Variants in ZNF608 observed in about 807,000 individuals in gnomAD.
The protein encoded by ZNF608 is renal carcinoma antigen NY-REN-36.
A neutral mutation model predicts 109.0 loss-of-function variants in ZNF608; 12 were observed. The observed-to-expected ratio is 0.11, with a 90% confidence interval of 0.07 to 0.18. ZNF608 has a LOEUF of 0.18. ZNF608 is among the 10% of genes least tolerant of loss of function. The pLI, the probability that ZNF608 is intolerant of heterozygous loss-of-function variation, is 1.00. For synonymous variants in ZNF608, 732 were observed against 717.4 expected (o/e 1.02, Z -0.33); for missense variants, 1,707 against 1,879.3 (o/e 0.91, Z 1.70).
In ZNF608 at chr5:124,744,461, C is replaced by G. The variant is rs1360633832; in HGVS notation, c.529G>C (p.Ala177Pro). The change falls in exon 2 of 10, where the codon GCC becomes CCC. Residue 177 changes from alanine to proline, a missense_variant. Transcript: ENST00000513986. This position sits in a 1 kb window ranked among gnomAD's most constrained non-coding sequence, Gnocchi z 4.5. The part of the protein sequence containing the change: ...SNSTSTSTSA[A>P]TAGAGSCGKS... ...CCACAGGAGCCTGCCCCCGCGGTGG[C>G]GGCAGAGGTGCTGGTGCTGGTACTA... 5 of 1,614,072 alleles carry G rather than the reference C, an allele frequency of 3.1e-6. No individual in the cohort carries two copies. In the African/African-American group the frequency reaches 6.7e-5, roughly 22 times the overall value.
At chr5:124,655,827 C>T (rs112132079) in intron 3 of ZNF608, among the ~76,000 whole-genome samples, 274 of 152,346 alleles carry the variant, frequency 1.8e-3, no homozygotes, top group African/African-American at 6.4e-3. Context: ...GCACAAGCTT[C>T]GCTGTTCCAG....
intron 5 of ZNF608, among the ~76,000 whole-genome samples, chr5:124,645,739 ACAG>A (rs1750467499): frequency 6.6e-6 from 1 of 152,014 alleles, no homozygotes; most frequent in Non-Finnish European, 1.5e-5. Context: ...GGGCTCTGGG[ACAG>A]CTGTTGAGGC....
Position 124,660,293 on chromosome 5 carries a change from AC to A in ZNF608, c.1163-10597del, listed in dbSNP as rs929631896. Among the ~76,000 whole-genome samples the A allele has an allele frequency of 1.6e-4, 24 of 152,160 alleles. 1 individual carries two copies. Among genetic ancestry groups the A allele is most frequent in the African/African-American group, 5.8e-4 (24 of 41,430 alleles). ...CCATCTTTGCAAATCTAGAAAGGAAACAAGGAATATGAATGTCAGAGAAACC... is the reference window on the plus strand; with the variant it reads ...CCATCTTTGCAAATCTAGAAAGGAAAAAGGAATATGAATGTCAGAGAAACC... On this transcript the variant is annotated intron_variant, in intron 3 of 9. Coordinates refer to ENST00000513986, the MANE Select transcript of ZNF608 (RefSeq NM_020747.3).
At chr5:124,728,034 C>T (rs149696873) in intron 2 of ZNF608, among the ~76,000 whole-genome samples, 94 of 152,166 alleles carry the variant, frequency 6.2e-4, no homozygotes, top group African/African-American at 2.1e-3. Context: ...GCCACTGTGC[C>T]GGGCCCCAAG....
At chr5:124,657,097 C>CTGCTT (rs1389630504) in intron 3 of ZNF608, among the ~76,000 whole-genome samples, 7 of 152,192 alleles carry the variant, frequency 4.6e-5, no homozygotes, top group Non-Finnish European at 8.8e-5. Flanking sequence ...GAAGCCCAAG[C>CTGCTT]TGCTTTTTTC....
chr5:124,732,533 T>A (rs1295673030), intron 2 of ZNF608, among the ~76,000 whole-genome samples: 1 of 151,812 alleles, frequency 6.6e-6, no homozygotes, highest in Non-Finnish European at 1.5e-5. Flanking sequence ...AAAGGGGTTT[T>A]TTTGTTTGTT....
At chr5:124,697,635 C>A (rs1327029603) in intron 3 of ZNF608, among the ~76,000 whole-genome samples, 2 of 152,204 alleles carry the variant, frequency 1.3e-5, no homozygotes, top group Non-Finnish European at 2.9e-5. Flanking sequence ...ACTAGTAACA[C>A]TTTATTCCTG....
Position 124,744,345 on chromosome 5 carries a change from G to C in ZNF608, c.645C>G (p.His215Gln), listed in dbSNP as rs757740862. The C allele has an allele frequency of 1.2e-6, 2 of 1,614,246 alleles. No homozygotes were observed. The highest frequency in any genetic ancestry group is 2.2e-5 in the South Asian group (2 of 91,086). ...KDAGKSRKDK[H>Q]DLLQGHQNGS... is the part of the protein sequence containing the mutation. ...CATTCTGGTGGCCCTGAAGCAGGTC[G>C]TGCTTGTCCTTCCTGGATTTCCCCG... is the stretch of plus-strand genomic sequence containing the variant. The change falls in exon 2 of 10, where the codon CAC (histidine) becomes CAG (glutamine). Residue 215 changes from histidine (H) to glutamine (Q), a missense_variant. His to Gln is a conservative substitution (Grantham distance 24, BLOSUM62 0). Coordinates refer to ENST00000513986, the MANE Select transcript of ZNF608 (RefSeq NM_020747.3). This position sits in a 1 kb window ranked among gnomAD's most constrained non-coding sequence, Gnocchi z 4.5.
chr5:124,740,611 A>C (rs1749351919), intron 2 of ZNF608, among the ~76,000 whole-genome samples: 1 of 152,216 alleles, frequency 6.6e-6, no homozygotes, highest in South Asian at 2.1e-4. Context: ...TCCCTGGTGA[A>C]GTATAAAAAG....
At chr5:124,654,778 C>T (rs1750936726) in intron 3 of ZNF608, among the ~76,000 whole-genome samples, 1 of 152,208 alleles carries the variant, frequency 6.6e-6, no homozygotes, top group African/African-American at 2.4e-5. Flanking sequence ...TTCTGTCTGG[C>T]TGCAATGGAA....
intron 3 of ZNF608, among the ~76,000 whole-genome samples, chr5:124,674,629 G>C (rs996659431): frequency 6.6e-6 from 1 of 152,040 alleles, no homozygotes; most frequent in Non-Finnish European, 1.5e-5. Flanking sequence ...GTTTTGCTTT[G>C]AGACAGAGTC....
upstream of ZNF608, chr5:124,748,438 C>T (rs1458228046): frequency 3.0e-6 from 2 of 666,896 alleles, no homozygotes; most frequent in Non-Finnish European, 3.7e-6. Flanking sequence ...AACCCTGTAA[C>T]TAGTTCCTCA....
In ZNF608 at chr5:124,745,306, G is replaced by A. The variant is rs146854583; in HGVS notation, c.-183-134C>T. ...AGGTGGCTCATGTATTGTCCTCACAGTCCAATATCAGGTTTAAAGGAAAAT... is the reference window on the plus strand; with the variant it reads ...AGGTGGCTCATGTATTGTCCTCACAATCCAATATCAGGTTTAAAGGAAAAT... On this transcript the variant is annotated intron_variant, in intron 1 of 9. Transcript: ENST00000513986. 1.8e-4 allele frequency: 124 copies of A among 670,746 alleles called. 2 individuals are homozygous for A. In the East Asian group the frequency reaches 5.2e-3, roughly 28 times the overall value. The allele number at this position is 670,746 out of a possible 1,614,324, so 41.5% of individuals were successfully genotyped here. A position where few individuals can be genotyped will look rare whatever the true frequency, so the allele number is the denominator to read the frequency against.
rs180963664 is a variant in ZNF608 at position 124,670,010 on chromosome 5, C to T, written c.1163-20313G>A. Among the ~76,000 whole-genome samples the T allele has an allele frequency of 3.3e-3, 509 of 152,244 alleles. 3 individuals carry two copies. Among genetic ancestry groups the T allele is most frequent in the Non-Finnish European group, 3.5e-3 (236 of 68,022 alleles). ...TGGGAGTAGGATATATTTGACTATT[C>T]CTTTAGAAGTCACTAAGGAGCCTGG... On this transcript the variant is annotated intron_variant, in intron 3 of 9. Coordinates refer to ENST00000513986, the MANE Select transcript of ZNF608 (RefSeq NM_020747.3).
chr5:124,644,580 C>G lies in ZNF608; in HGVS notation c.3787G>C (p.Glu1263Gln), dbSNP rs1317735207. 6.2e-7 allele frequency: 1 copy of G among 1,613,810 alleles called. No homozygotes were observed. Among genetic ancestry groups the G allele is most frequent in the Non-Finnish European group, 8.5e-7 (1 of 1,179,946 alleles). ...GGACTATCCTCTTTTAATTTCTTCT[C>G]TCTATCAAGTTCTTCTGACTTTTGC... is the stretch of plus-strand genomic sequence containing the variant. ...DQQKSEELDR[E>Q]KKLKEDSPRK... The change falls in exon 6 of 10, where the codon GAG becomes CAG. Residue 1263 changes from glutamate (E) to glutamine (Q), a missense_variant. Transcript: ENST00000513986.
chr5:124,659,617 C>G (rs757079146), intron 3 of ZNF608, among the ~76,000 whole-genome samples: 1 of 152,280 alleles, frequency 6.6e-6, no homozygotes, highest in Middle Eastern at 3.4e-3. Context: ...CCTCTCATCA[C>G]CTAGTTTTCC....
At chr5:124,686,524 A>T (rs1274201103) in intron 3 of ZNF608, among the ~76,000 whole-genome samples, 2 of 152,222 alleles carry the variant, frequency 1.3e-5, no homozygotes, top group African/African-American at 4.8e-5. Flanking sequence ...ACCCAGCCAC[A>T]CATGTTTGTC....
intron 3 of ZNF608, among the ~76,000 whole-genome samples, chr5:124,671,980 G>A (rs1023047873): frequency 1.3e-5 from 2 of 152,000 alleles, no homozygotes; most frequent in Non-Finnish European, 2.9e-5. Flanking sequence ...AAAGGTAACA[G>A]GCCTCAGAGA....
chr5:124,668,079 TGGTGGCTCATGCCTGTA>T (rs1751553887), intron 3 of ZNF608, among the ~76,000 whole-genome samples: 1 of 151,680 alleles, frequency 6.6e-6, no homozygotes, highest in East Asian at 1.9e-4. Flanking sequence ...AGGCCAGGCA[TGGTGGCTCATGCCTGTA>T]ATACCAGAAC....
Sources: allele counts gnomAD v4.1 joint callset (sites outside exome capture counted in the v4.1 genomes callset), GRCh38; gene constraint gnomAD v4.1.1; non-coding constraint Gnocchi (gnomAD v3.1); transcripts MANE v1.5; gene names NCBI Gene and HGNC (gene_info 2026-07-23, HGNC 2026-07-21).